The following IKZF2 variants were observed in gnomAD, a reference collection of about 807,000 sequenced individuals.
IKZF2 encodes IKAROS family zinc finger 2, also known as zinc finger protein Helios.
IKZF2 carries 15 observed loss-of-function variants against 49.2 expected under a neutral mutation model. The observed-to-expected ratio is 0.30, with a 90% CI of 0.20 to 0.47. The LOEUF is 0.47. Ranked by LOEUF, IKZF2 falls within the 20% of genes least tolerant of loss-of-function variation. The probability of loss-of-function intolerance (pLI) is 1.00; values close to 1 mark genes in which losing one functional copy is unlikely to be tolerated. For missense variants in IKZF2, 567 were observed against 664.6 expected (o/e 0.85, Z 1.61); for synonymous variants, 227 against 221.4 (o/e 1.03, Z -0.23).
chr2:213,064,684 G>A (rs1255598833), intron 4 of IKZF2, among the ~76,000 whole-genome samples: 18 of 151,874 alleles, frequency 1.2e-4, no homozygotes, highest in Non-Finnish European at 2.5e-4. Context: ...CCAACCTTTC[G>A]ATGAATGATT....
intron 4 of IKZF2, among the ~76,000 whole-genome samples, chr2:213,096,181 A>G (rs562204859): frequency 6.6e-6 from 1 of 151,962 alleles, no homozygotes; most frequent in Non-Finnish European, 1.5e-5. Flanking sequence ...ATTTCACATG[A>G]AAGAAACTTA....
chr2:213,032,139 T>C (rs1421538037), intron 6 of IKZF2, among the ~76,000 whole-genome samples: 1 of 152,174 alleles, frequency 6.6e-6, no homozygotes, highest in Non-Finnish European at 1.5e-5. Flanking sequence ...ATATTCATTA[T>C]GGGGAATAAA....
At chr2:213,120,530 G>T (rs2060020890) in intron 4 of IKZF2, among the ~76,000 whole-genome samples, 1 of 152,184 alleles carries the variant, frequency 6.6e-6, no homozygotes, top group Non-Finnish European at 1.5e-5. Flanking sequence ...GATAGATTGG[G>T]CTGTTTAGTA....
intron 4 of IKZF2, among the ~76,000 whole-genome samples, chr2:213,076,659 C>A (rs1703296512): frequency 6.6e-6 from 1 of 152,018 alleles, no homozygotes; most frequent in Admixed American, 6.6e-5. Flanking sequence ...ATACTTAATA[C>A]CATGGAATAT....
intron 4 of IKZF2, among the ~76,000 whole-genome samples, chr2:213,079,452 G>A (rs1446487281): frequency 2.8e-5 from 4 of 141,056 alleles, no homozygotes; most frequent in African/African-American, 5.4e-5. Context: ...AGGGAGGGAG[G>A]GTGGAAGGAA....
intron 4 of IKZF2, among the ~76,000 whole-genome samples, chr2:213,111,181 G>C (rs972193167): frequency 4.4e-4 from 67 of 152,068 alleles, no homozygotes; most frequent in African/African-American, 1.5e-3. Context: ...ATTAAAAAGA[G>C]CTTCCCATAG....
chr2:213,048,836 C>G (rs1358944527), intron 6 of IKZF2, among the ~76,000 whole-genome samples: 1 of 151,988 alleles, frequency 6.6e-6, no homozygotes, highest in Non-Finnish European at 1.5e-5. Flanking sequence ...TCAGCACTCT[C>G]TAATACGATT....
intron 4 of IKZF2, among the ~76,000 whole-genome samples, chr2:213,113,768 GTGTT>G: frequency 6.6e-6 from 1 of 152,058 alleles, no homozygotes; most frequent in Non-Finnish European, 1.5e-5. Context: ...GTGGAGAGAG[GTGTT>G]TGTTTGTTTT....
chr2:213,095,286 A>AT (rs1705840150), intron 4 of IKZF2, among the ~76,000 whole-genome samples: 1 of 152,154 alleles, frequency 6.6e-6, no homozygotes, highest in Non-Finnish European at 1.5e-5. Context: ...TTAGAATGTT[A>AT]TAAAATATAC....
At chr2:213,140,990 C>T (rs1013803249) in intron 4 of IKZF2, among the ~76,000 whole-genome samples, 1 of 151,900 alleles carries the variant, frequency 6.6e-6, no homozygotes, top group Admixed American at 6.6e-5. Flanking sequence ...TATCCCTCTC[C>T]CAAATTGTAC....
At chr2:213,151,964 A>T (rs1209817631), upstream of IKZF2, among the ~76,000 whole-genome samples, 1 of 151,498 alleles carries the variant, frequency 6.6e-6, no homozygotes, top group East Asian at 1.9e-4. Context: ...AGGCTCCGCG[A>T]CGCGCGCACT....
In IKZF2 at chr2:213,081,911, A is replaced by G. The variant is rs552450888; in HGVS notation, c.140-24812T>C. 2.6e-5 allele frequency among the ~76,000 whole-genome samples: 4 copies of G among 152,272 alleles called. No individual in the cohort carries two copies. The South Asian group carries it at 8.3e-4, about 32-fold the overall frequency. On this transcript the variant is annotated intron_variant, in intron 4 of 8. Transcript: ENST00000434687. ...TCCAGAATCTGAGTCCATTAAGGAT[A>G]TTCAATTGTAAAGGTCAGAGGTCTG...
At chr2:213,134,888 A>G (rs1372431442) in intron 4 of IKZF2, among the ~76,000 whole-genome samples, 1 of 152,214 alleles carries the variant, frequency 6.6e-6, no homozygotes, top group African/African-American at 2.4e-5. Context: ...CAGTGGATCT[A>G]CTAACTCAAG....
At chr2:213,043,725 T>C (rs542175167) in intron 6 of IKZF2, among the ~76,000 whole-genome samples, 1 of 152,226 alleles carries the variant, frequency 6.6e-6, no homozygotes, top group African/African-American at 2.4e-5. Flanking sequence ...CAGTTCACAA[T>C]AGGGTGCGTG....
intron 6 of IKZF2, among the ~76,000 whole-genome samples, chr2:213,040,913 T>A (rs1291940920): frequency 1.3e-5 from 2 of 150,694 alleles, no homozygotes; most frequent in Non-Finnish European, 3.0e-5. Context: ...AGGTCAGGAG[T>A]TCAAGACCAG....
intron 4 of IKZF2, among the ~76,000 whole-genome samples, chr2:213,112,878 G>A (rs959185093): frequency 6.6e-6 from 1 of 151,932 alleles, no homozygotes; most frequent in Non-Finnish European, 1.5e-5. Context: ...CTACCTCATA[G>A]GGTTTTATTG....
At chr2:213,141,337 G>A (rs1036740571) in intron 4 of IKZF2, among the ~76,000 whole-genome samples, 2 of 151,810 alleles carry the variant, frequency 1.3e-5, no homozygotes, top group Admixed American at 6.6e-5. Context: ...TAATCAAATC[G>A]ATCCATGTCA....
At chr2:213,118,705 A>G (rs143639955) in intron 4 of IKZF2, among the ~76,000 whole-genome samples, 1 of 151,886 alleles carries the variant, frequency 6.6e-6, no homozygotes, top group East Asian at 1.9e-4. Flanking sequence ...AAAGTCAGTC[A>G]TCAGTGCTAA....
At chr2:213,041,511 C>T (rs760347571) in intron 6 of IKZF2, among the ~76,000 whole-genome samples, 16 of 152,076 alleles carry the variant, frequency 1.1e-4, no homozygotes, top group Non-Finnish European at 1.8e-4. Flanking sequence ...ACCATGTTAA[C>T]CAGAATGGTC....
Sources: allele counts gnomAD v4.1 joint callset (sites outside exome capture counted in the v4.1 genomes callset), GRCh38; gene constraint gnomAD v4.1.1; transcripts MANE v1.5; gene names NCBI Gene and HGNC (gene_info 2026-07-23, HGNC 2026-07-21).